Variants in CLPSL1 observed in about 807,000 individuals in gnomAD.
The protein encoded by CLPSL1 is colipase like 1.
A neutral mutation model predicts 9.3 loss-of-function variants in CLPSL1; 13 were observed. The observed-to-expected ratio is 1.40, with a 90% confidence interval of 0.91 to 2.22. CLPSL1 has a LOEUF of 2.22. Ranked by LOEUF, CLPSL1 falls within the 30% of genes most tolerant of loss-of-function variation. CLPSL1 has a pLI of 0.00. For missense variants in CLPSL1, 164 were observed against 146.6 expected, an observed-to-expected ratio of 1.12 and a Z score of -0.61; for synonymous variants, 58 against 56.9, an observed-to-expected ratio of 1.02 and a Z score of -0.08.
At chr6:35,788,785 A>G (rs1276950940), downstream of CLPSL1, among the ~76,000 whole-genome samples, 2 of 152,294 alleles carry the variant, frequency 1.3e-5, no homozygotes, top group African/African-American at 4.8e-5. Flanking sequence ...GAATGAGTCA[A>G]GTGGAGTTTT....
downstream of CLPSL1, among the ~76,000 whole-genome samples, chr6:35,793,842 G>T (rs1768272299): frequency 1.3e-5 from 2 of 152,260 alleles, no homozygotes; most frequent in African/African-American, 4.8e-5. Flanking sequence ...CTCCTCTCTA[G>T]CATCTCCACC....
In CLPSL1 at chr6:35,785,525, C is replaced by T. The variant is rs147695118; in HGVS notation, c.100-1473C>T. ...TCCATTTTTTCTCTTAATGTGCATT[C>T]CCCGGGCTCACTCACCCAACACCTG... On this transcript the variant is annotated intron_variant, in intron 1 of 2. Transcript: ENST00000373861. Among the ~76,000 whole-genome samples the T allele has an allele frequency of 7.3e-4, 111 of 152,226 alleles. 1 individual carries two copies. In the East Asian group the frequency reaches 0.02, roughly 27 times the overall value.
At position 35,785,264 on chromosome 6, in the gene CLPSL1, A is replaced by G. The variant is rs1214689722; in HGVS notation, c.100-1734A>G. 6.0e-5 allele frequency among the ~76,000 whole-genome samples: 8 copies of G among 134,380 alleles called. No individual in the cohort carries two copies. The South Asian group carries it at 1.6e-3, about 28-fold the overall frequency. 88.2% of individuals were successfully genotyped at this position (134,380 alleles called of 152,430 possible). Reference sequence around the variant, plus strand: ...GCAATCTCAGCTAACTGCAAGCTCCACCTCCCGGGTTCACGCCATTCTCCT... The same window carrying G: ...GCAATCTCAGCTAACTGCAAGCTCCGCCTCCCGGGTTCACGCCATTCTCCT... On this transcript the variant is annotated intron_variant, in intron 1 of 2. Coordinates refer to ENST00000373861, the MANE Select transcript of CLPSL1 (RefSeq NM_001010886.5).
Position 35,783,789 on chromosome 6 carries a change from C to T in CLPSL1, c.99+2580C>T, listed in dbSNP as rs373283869. On this transcript the variant is annotated intron_variant, in intron 1 of 2. Coordinates refer to ENST00000373861, the MANE Select transcript of CLPSL1 (RefSeq NM_001010886.5). ...CACCACTGCATTCCAGCCTGGGCGA[C>T]GGCGAGACTCTATCTCCAAAAAAAA... 1.7e-3 allele frequency among the ~76,000 whole-genome samples: 241 copies of T among 140,532 alleles called. 3 individuals carry two copies. In the South Asian group the frequency reaches 0.022, roughly 13 times the overall value. 92.2% of individuals were successfully genotyped at this position (140,532 alleles called of 152,430 possible).
rs910985115 is a variant in CLPSL1, at chr6:35,781,029, C to T, written c.-82C>T. On this transcript the variant is annotated 5_prime_UTR_variant, in exon 1 of 3. Coordinates refer to ENST00000373861, the MANE Select transcript of CLPSL1 (RefSeq NM_001010886.5). The stretch of plus-strand genomic sequence containing the variant: ...TTGGGTGCTGGTTTTACATGGTGTT[C>T]CCACAGCTGGGAGGACACCCACATG... The T allele has an allele frequency of 6.4e-7, 1 of 1,573,424 alleles. No homozygotes were observed. Among genetic ancestry groups the T allele is most frequent in the Non-Finnish European group, 8.6e-7 (1 of 1,159,364 alleles).
chr6:35,790,210 G>T (rs140525843), downstream of CLPSL1, among the ~76,000 whole-genome samples: 1 of 152,236 alleles, frequency 6.6e-6, no homozygotes, highest in Non-Finnish European at 1.5e-5. Flanking sequence ...TGGGATTACA[G>T]GCATGAGCCA....
chr6:35,785,751 C>G (rs560077344), intron 1 of CLPSL1, among the ~76,000 whole-genome samples: 23 of 152,098 alleles, frequency 1.5e-4, no homozygotes, highest in East Asian at 3.9e-4. Flanking sequence ...TCTCCTACCC[C>G]ACTCATGCCT....
chr6:35,788,129 G>A lies in CLPSL1; in HGVS notation c.*119G>A. On this transcript the variant is annotated 3_prime_UTR_variant, in exon 3 of 3. Transcript: ENST00000373861. ...GAGTGGAGGGAAGTGGGGAGTGATT[G>A]AAATAAAGAGCTTTTTCAATGTTTG... The A allele has an allele frequency of 1.5e-6, 1 of 660,112 alleles. No individual in the cohort carries two copies. 40.9% of individuals were successfully genotyped at this position (660,112 alleles called of 1,614,324 possible).
At chr6:35,782,693 G>T (rs967397038) in intron 1 of CLPSL1, among the ~76,000 whole-genome samples, 6 of 152,234 alleles carry the variant, frequency 3.9e-5, no homozygotes, top group Non-Finnish European at 8.8e-5. Context: ...TGATGGCTTT[G>T]AATCCAGAGA....
At chr6:35,793,130 G>C (rs1431187669), downstream of CLPSL1, among the ~76,000 whole-genome samples, 1 of 152,234 alleles carries the variant, frequency 6.6e-6, no homozygotes, top group Non-Finnish European at 1.5e-5. Flanking sequence ...GGAAAGATAA[G>C]AAGAGGGTAT....
At chr6:35,791,634 G>C (rs992704022), downstream of CLPSL1, among the ~76,000 whole-genome samples, 1 of 151,810 alleles carries the variant, frequency 6.6e-6, no homozygotes, top group Non-Finnish European at 1.5e-5. Flanking sequence ...AAAAGAAAAA[G>C]AAAATACATT....
downstream of CLPSL1, among the ~76,000 whole-genome samples, chr6:35,792,903 A>G (rs1581958419): frequency 6.6e-6 from 1 of 152,398 alleles, no homozygotes; most frequent in African/African-American, 2.4e-5. Context: ...TTGAGCACAT[A>G]ATTCATATGT....
chr6:35,787,520 G>T (rs1289420150), intron 2 of CLPSL1, among the ~76,000 whole-genome samples: 1 of 152,264 alleles, frequency 6.6e-6, no homozygotes, highest in East Asian at 1.9e-4. Flanking sequence ...ATGGGCAGAG[G>T]CAGCCTCTGA....
downstream of CLPSL1, among the ~76,000 whole-genome samples, chr6:35,789,692 G>A (rs965377595): frequency 2.1e-4 from 32 of 152,322 alleles, no homozygotes; most frequent in African/African-American, 6.5e-4. Flanking sequence ...TCAGGAGTTC[G>A]AGACCAGCCT....
chr6:35,785,473 G>A (rs1768051294), intron 1 of CLPSL1, among the ~76,000 whole-genome samples: 1 of 152,040 alleles, frequency 6.6e-6, no homozygotes, highest in Non-Finnish European at 1.5e-5. Flanking sequence ...CACCATGCCT[G>A]GCCCTGTCCC....
chr6:35,788,725 G>C (rs1262254011), downstream of CLPSL1, among the ~76,000 whole-genome samples: 1 of 152,268 alleles, frequency 6.6e-6, no homozygotes, highest in Non-Finnish European at 1.5e-5. Flanking sequence ...GCCTAGGAAA[G>C]AGTGAGAAAG....
At chr6:35,784,449 A>G (rs1478234806) in intron 1 of CLPSL1, among the ~76,000 whole-genome samples, 1 of 152,182 alleles carries the variant, frequency 6.6e-6, no homozygotes. Context: ...CATGGCCTGA[A>G]CCAGTCTTTC....
chr6:35,782,977 G>T (rs970066077), intron 1 of CLPSL1, among the ~76,000 whole-genome samples: 2 of 152,066 alleles, frequency 1.3e-5, no homozygotes, highest in Admixed American at 1.3e-4. Flanking sequence ...AACATATGTG[G>T]TAAAAATCAC....
intron 1 of CLPSL1, among the ~76,000 whole-genome samples, chr6:35,784,990 A>T (rs2766587): frequency 0.61 from 92,197 of 151,248 alleles, 28,167 homozygotes; most frequent in Middle Eastern, 0.68. Context: ...CCTACCCCTT[A>T]ACAGTCTTGC....
Sources: allele counts gnomAD v4.1 joint callset (sites outside exome capture counted in the v4.1 genomes callset), GRCh38; gene constraint gnomAD v4.1.1; transcripts MANE v1.5; gene names NCBI Gene and HGNC (gene_info 2026-07-23, HGNC 2026-07-21).